Variants in FAM219B observed in about 807,000 individuals in gnomAD.
The protein encoded by FAM219B is family with sequence similarity 219 member B.
A neutral mutation model predicts 19.9 loss-of-function variants in FAM219B; 18 were observed. The ratio of observed to expected loss-of-function variants is 0.91; its 90% CI spans 0.63 to 1.34. FAM219B has a LOEUF of 1.34. FAM219B is among the 40% of genes most tolerant of loss of function. FAM219B has a pLI of 0.00. For missense variants in FAM219B, 283 were observed against 270.5 expected (o/e 1.05, Z -0.32); for synonymous variants, 123 against 117.5 (o/e 1.05, Z -0.30).
chr15:74,898,004 ACT>A (rs2064849828), downstream of FAM219B: 1 of 510,824 alleles, frequency 2.0e-6, no homozygotes, highest in Admixed American at 3.1e-5. Context: ...GCTCTTGCCA[ACT>A]CTGTTCCAGC....
rs1383371813 is a variant in FAM219B, at chr15:74,900,994, T to C, written c.*1625A>G. ...GGCCGTATCTTTTTATTAGACTTGC[T>C]CATCTTCTAGTCACCCCTTGTGGTA... On this transcript the variant is annotated 3_prime_UTR_variant, in exon 5 of 5. Transcript: ENST00000357635. 6.6e-6 allele frequency: 1 copy of C among 152,250 alleles called. No individual in the cohort carries two copies. The highest frequency in any genetic ancestry group is 2.4e-5 in the African/African-American group (1 of 41,460). The allele number at this position is 152,250 out of a possible 1,614,324, so 9.4% of individuals were successfully genotyped here.
chr15:74,906,597 TTGAA>T lies in FAM219B; in HGVS notation c.200_203del (p.Ile67LysfsTer36), dbSNP rs2065205794. The T allele has an allele frequency of 6.6e-7, 1 of 1,507,834 alleles. No homozygotes were observed. Among genetic ancestry groups the T allele is most frequent in the Non-Finnish European group, 8.8e-7 (1 of 1,130,402 alleles). The allele number at this position is 1,507,834 out of a possible 1,614,324, so 93.4% of individuals were successfully genotyped here. On this transcript the variant is annotated frameshift_variant, in exon 1 of 5. Coordinates refer to ENST00000357635, the MANE Select transcript of FAM219B (RefSeq NM_020447.5). LOFTEE classifies it high-confidence loss of function. Reference sequence around the variant, plus strand: ...TCGGGCCACACTCACGCAGCTTGGCTTGAATGGAGGGTGCGCGCGTCACCATGTA... The same window carrying T: ...TCGGGCCACACTCACGCAGCTTGGCTTGGAGGGTGCGCGCGTCACCATGTA...
chr15:74,906,747 G>A lies in FAM219B; in HGVS notation c.54C>T (p.Pro18=). Reference sequence around the variant, plus strand: ...CGCGGTCCCGAGCCCCGCTGGGCCGGGGTCCCGGGGTAGACAACCGCAACG... The same window carrying A: ...CGCGGTCCCGAGCCCCGCTGGGCCGAGGTCCCGGGGTAGACAACCGCAACG... ...GRALRLSTPG[P]RPSGARDRAP... The change falls in exon 1 of 5, where the codon CCC becomes CCT. Residue 18 remains proline, a synonymous_variant. Coordinates refer to ENST00000357635, the MANE Select transcript of FAM219B (RefSeq NM_020447.5). 7.5e-7 allele frequency: 1 copy of A among 1,326,028 alleles called. No individual in the cohort carries two copies. Among genetic ancestry groups the A allele is most frequent in the Non-Finnish European group, 9.7e-7 (1 of 1,036,044 alleles). The allele number at this position is 1,326,028 out of a possible 1,614,324, so 82.1% of individuals were successfully genotyped here.
chr15:74,904,795 C>T, intron 3 of FAM219B, 83 bp from the exon 4 acceptor site: 1 of 1,572,264 alleles, frequency 6.4e-7, no homozygotes. Context: ...CATGCAAGGG[C>T]ATCTGGAAGA....
Position 74,906,716 on chromosome 15 carries a change from C to T in FAM219B, c.85G>A (p.Gly29Arg). The T allele has an allele frequency of 1.4e-6, 2 of 1,388,558 alleles. No homozygotes were observed. Among genetic ancestry groups the T allele is most frequent in the Non-Finnish European group, 1.9e-6 (2 of 1,069,188 alleles). The allele number at this position is 1,388,558 out of a possible 1,614,324, so 86.0% of individuals were successfully genotyped here. The change falls in exon 1 of 5, where the codon GGA becomes AGA. Residue 29 changes from glycine (G) to arginine (R), a missense_variant. Gly to Arg is a moderately radical substitution (Grantham distance 125, BLOSUM62 -2). Coordinates refer to ENST00000357635, the MANE Select transcript of FAM219B (RefSeq NM_020447.5). ...TGCCCGGAGGGTGGCCCCGCAGCTCCCGGCGCGCGGTCCCGAGCCCCGCTG... is the reference window on the plus strand; with the variant it reads ...TGCCCGGAGGGTGGCCCCGCAGCTCTCGGCGCGCGGTCCCGAGCCCCGCTG... The part of the protein sequence containing the change: ...RPSGARDRAP[G>R]AAGPPSGQIG...
chr15:74,904,761 A>G (rs372171726), intron 3 of FAM219B, 49 bp from the exon 4 acceptor site: 7 of 1,610,170 alleles, frequency 4.3e-6, no homozygotes, highest in Non-Finnish European at 6.0e-6. Context: ...TGTGGTGCAC[A>G]GCTGTAAATC....
At chr15:74,904,986 G>C in intron 3 of FAM219B, 168 bp downstream of exon 3, 1 of 1,541,396 alleles carries the variant, frequency 6.5e-7, no homozygotes, top group Non-Finnish European at 8.7e-7. Flanking sequence ...GATTACCTAT[G>C]AGTCTTCTAA....
chr15:74,906,808 C>A lies in FAM219B; in HGVS notation c.-8G>T. On this transcript the variant is annotated 5_prime_UTR_variant, in exon 1 of 5. Transcript: ENST00000357635. ...GGGCTCCGCGGTCGCCATGGCCGGGCCCCGCCCTGCCGGATGGTGCAACCC... is the reference window on the plus strand; with the variant it reads ...GGGCTCCGCGGTCGCCATGGCCGGGACCCGCCCTGCCGGATGGTGCAACCC... The A allele has an allele frequency of 2.3e-6, 3 of 1,277,716 alleles. No homozygotes were observed. Among genetic ancestry groups the A allele is most frequent in the Non-Finnish European group, 3.0e-6 (3 of 1,014,530 alleles). 79.1% of individuals were successfully genotyped at this position (1,277,716 alleles called of 1,614,324 possible). A position where few individuals can be genotyped will look rare whatever the true frequency, so the allele number is the denominator to read the frequency against.
Position 74,905,250 on chromosome 15 carries a change from G to T in FAM219B, c.303-19C>A, listed in dbSNP as rs758863248. The T allele has an allele frequency of 1.2e-6, 2 of 1,611,794 alleles. No individual in the cohort carries two copies. Among genetic ancestry groups the T allele is most frequent in the Non-Finnish European group, 1.7e-6 (2 of 1,178,108 alleles). On this transcript the variant is annotated intron_variant, in intron 2 of 4. Coordinates refer to ENST00000357635, the MANE Select transcript of FAM219B (RefSeq NM_020447.5). The stretch of plus-strand genomic sequence containing the variant: ...CACTGACCTGAGGGGAGACGGGGGA[G>T]AAGAGACCAAACATAGATGAAAGCA...
intron 2 of FAM219B, 67 bp downstream of exon 2, chr15:74,906,211 C>T (rs1046234618): frequency 3.2e-6 from 5 of 1,547,930 alleles, no homozygotes; most frequent in Non-Finnish European, 4.4e-6. Flanking sequence ...GAGCACCCTG[C>T]CTCCGTCCTG....
At chr15:74,906,024 AGAG>A (rs766402547) in intron 2 of FAM219B, 1 of 470,316 alleles carries the variant, frequency 2.1e-6, no homozygotes, top group Non-Finnish European at 3.8e-6. Flanking sequence ...CCTCCCTAAC[AGAG>A]GAGGAGAATG....
In FAM219B at chr15:74,901,731, A is replaced by C. The variant is rs2064966862; in HGVS notation, c.*888T>G. 1 of 181,626 alleles carries C rather than the reference A, an allele frequency of 5.5e-6. No individual in the cohort carries two copies. The highest frequency in any genetic ancestry group is 1.1e-5 in the Non-Finnish European group (1 of 88,132). 11.3% of individuals were successfully genotyped at this position (181,626 alleles called of 1,614,324 possible). On this transcript the variant is annotated 3_prime_UTR_variant, in exon 5 of 5. Coordinates refer to ENST00000357635, the MANE Select transcript of FAM219B (RefSeq NM_020447.5). Reference sequence around the variant, plus strand: ...TTCTCAAAAGTTTAAAAAGTAAACAATAGGAAGGCACCGGACTGCTCCCTG... The same window carrying C: ...TTCTCAAAAGTTTAAAAAGTAAACACTAGGAAGGCACCGGACTGCTCCCTG...
In FAM219B at chr15:74,906,357, G is replaced by C. The variant is rs776733938; in HGVS notation, c.223C>G (p.Arg75Gly). Reference protein sequence around the residue: ...PSIQAKLQKHRDLAKAVLRRK... With the variant: ...PSIQAKLQKHGDLAKAVLRRK... ...CGCAGAACGGCCTTGGCCAGGTCCC[G>C]GTGCTTCTCTGGAAGTTAAAGGACC... The change falls in exon 2 of 5, where the codon CGG becomes GGG. Residue 75 changes from arginine to glycine, a missense_variant. Transcript: ENST00000357635. 1 of 1,611,008 alleles carries C rather than the reference G, an allele frequency of 6.2e-7. No individual in the cohort carries two copies. Among genetic ancestry groups the C allele is most frequent in the South Asian group, 1.1e-5 (1 of 90,482 alleles).
chr15:74,899,486 C>T (rs1297459855), downstream of FAM219B: 2 of 152,198 alleles, frequency 1.3e-5, no homozygotes, highest in Admixed American at 1.3e-4. Context: ...CTTGCAAGAG[C>T]CTATTTCACT....
Position 74,906,722 on chromosome 15 carries a change from C to T in FAM219B, c.79G>A (p.Ala27Thr). 7.2e-7 allele frequency: 1 copy of T among 1,380,640 alleles called. No homozygotes were observed. The highest frequency in any genetic ancestry group is 9.4e-7 in the Non-Finnish European group (1 of 1,065,060). The allele number at this position is 1,380,640 out of a possible 1,614,324, so 85.5% of individuals were successfully genotyped here. ...GPRPSGARDR[A>T]PGAAGPPSGQ... ...GAGGGTGGCCCCGCAGCTCCCGGCGCGCGGTCCCGAGCCCCGCTGGGCCGG... is the reference window on the plus strand; with the variant it reads ...GAGGGTGGCCCCGCAGCTCCCGGCGTGCGGTCCCGAGCCCCGCTGGGCCGG... Residue 27 changes from alanine (A) to threonine (T), a missense_variant, in exon 1 of 5, where the codon GCG (alanine) becomes ACG (threonine). Transcript: ENST00000357635.
At chr15:74,899,231 TC>T (rs1322027175), downstream of FAM219B, 1 of 152,196 alleles carries the variant, frequency 6.6e-6, no homozygotes, top group Admixed American at 6.5e-5. Context: ...CAATCGTAGA[TC>T]CTGTCACCAC....
rs1208946147 is a variant in FAM219B, at chr15:74,906,320, A to G, written c.260T>C (p.Met87Thr). 6.2e-7 allele frequency: 1 copy of G among 1,613,608 alleles called. No homozygotes were observed. The highest frequency in any genetic ancestry group is 8.5e-7 in the Non-Finnish European group (1 of 1,179,950). The change falls in exon 2 of 5, where the codon ATG becomes ACG. Residue 87 changes from methionine (M) to threonine (T), a missense_variant. Met to Thr is a moderately conservative substitution (Grantham distance 81, BLOSUM62 -1). Coordinates refer to ENST00000357635, the MANE Select transcript of FAM219B (RefSeq NM_020447.5). ...LAKAVLRRKG[M>T]LGASPNRPDS... ...TGGGCGGTTCGGCGAGGCCCCCAGC[A>G]TGCCTTTTCTCCGCAGAACGGCCTT...
downstream of FAM219B, chr15:74,898,000 G>A: frequency 1.9e-6 from 1 of 518,834 alleles, no homozygotes. Flanking sequence ...CCAGGCTCTT[G>A]CCAACTCTGT....
Position 74,906,779 on chromosome 15 carries a change from C to T in FAM219B, c.22G>A (p.Gly8Arg). 1 of 1,287,796 alleles carries T rather than the reference C, an allele frequency of 7.8e-7. No individual in the cohort carries two copies. The highest frequency in any genetic ancestry group is 9.8e-7 in the Non-Finnish European group (1 of 1,017,826). The allele number at this position is 1,287,796 out of a possible 1,614,324, so 79.8% of individuals were successfully genotyped here. Residue 8 changes from glycine (G) to arginine (R), a missense_variant, in exon 1 of 5, where the codon GGG becomes AGG. By Grantham distance (125) the Gly-to-Arg change is moderately radical. Coordinates refer to ENST00000357635, the MANE Select transcript of FAM219B (RefSeq NM_020447.5). MATAEPSGRALRLSTPGP... is the reference protein window; with the variant it reads MATAEPSRRALRLSTPGP... Reference sequence around the variant, plus strand: ...GGGGTAGACAACCGCAACGCGCGCCCGCTGGGCTCCGCGGTCGCCATGGCC... The same window carrying T: ...GGGGTAGACAACCGCAACGCGCGCCTGCTGGGCTCCGCGGTCGCCATGGCC...
Sources: allele counts gnomAD v4.1 joint callset, GRCh38; gene constraint gnomAD v4.1.1; transcripts MANE v1.5; gene names NCBI Gene and HGNC (gene_info 2026-07-23, HGNC 2026-07-21).